The following SUFU variants were observed in gnomAD, a reference collection of about 807,000 sequenced individuals.
The protein encoded by SUFU is SUFU negative regulator of hedgehog signaling, also known as suppressor of fused homolog.
Under a neutral mutation model 58.9 loss-of-function variants are expected in SUFU, and 7 were observed. The ratio of observed to expected loss-of-function variants is 0.12; its 90% confidence interval spans 0.07 to 0.22. The LOEUF (loss-of-function observed/expected upper bound fraction) is 0.22. Among genes scored for constraint, SUFU ranks in the 10% least tolerant of loss-of-function variants. The pLI is 1.00. For synonymous variants in SUFU, 232 were observed against 254.8 expected (o/e 0.91, Z 0.85); for missense variants, 451 against 641.3 (o/e 0.70, Z 3.20).
intron 3 of SUFU, among the ~76,000 whole-genome samples, chr10:102,580,037 C>CCG (rs1554850802): frequency 7.2e-6 from 1 of 138,264 alleles, no homozygotes; most frequent in Non-Finnish European, 1.6e-5. Context: ...GCACCCCCCC[C>CCG]CCGCCCCCAG....
intron 2 of SUFU, among the ~76,000 whole-genome samples, chr10:102,522,514 C>T (rs1327531251): frequency 6.6e-6 from 1 of 152,050 alleles, no homozygotes; most frequent in Non-Finnish European, 1.5e-5. Flanking sequence ...TCCTTGTACT[C>T]GAGGGACACA....
chr10:102,569,108 C>T (rs960883800), intron 3 of SUFU, among the ~76,000 whole-genome samples: 4 of 151,112 alleles, frequency 2.6e-5, no homozygotes, highest in African/African-American at 9.7e-5. Context: ...GATTGTTGCC[C>T]ATATATGAAC....
rs1300021652 is a variant in SUFU, at chr10:102,579,309, GTCTATC to G, written c.455-13268_455-13263del. Among the ~76,000 whole-genome samples, 6 of 152,320 alleles carry G rather than the reference GTCTATC, an allele frequency of 3.9e-5. No homozygotes were observed. The East Asian group carries it at 9.6e-4, about 24-fold the overall frequency. ...GCACAGGGTGAGTGTCAGGTCCACA[GTCTATC>G]TCTAGCTAGCGAAACTGCATCAGTC... On this transcript the variant is annotated intron_variant, in intron 3 of 11. Transcript: ENST00000369902.
intron 6 of SUFU, 61 bp downstream of exon 6, chr10:102,594,126 A>G: frequency 6.5e-7 from 1 of 1,531,076 alleles, no homozygotes; most frequent in East Asian, 2.3e-5. Flanking sequence ...TCCAAATAAC[A>G]CTGGCTTTCA....
chr10:102,605,011 A>G, intron 8 of SUFU, among the ~76,000 whole-genome samples: 1 of 147,568 alleles, frequency 6.8e-6, no homozygotes, highest in East Asian at 2.0e-4. Context: ...GGCTTACTGC[A>G]ACCCCTGCCT....
At chr10:102,536,363 CTTTTT>C (rs11290425) in intron 2 of SUFU, among the ~76,000 whole-genome samples, 1 of 101,926 alleles carries the variant, frequency 9.8e-6, no homozygotes, top group African/African-American at 4.1e-5. Context: ...AATTTTATTG[CTTTTT>C]TTTTTTTTTT....
chr10:102,566,931 C>T (rs1262037191), intron 3 of SUFU, among the ~76,000 whole-genome samples: 2 of 140,748 alleles, frequency 1.4e-5, no homozygotes, highest in Admixed American at 7.3e-5. Flanking sequence ...GGTGACAGAG[C>T]GACTCCATCT....
intron 8 of SUFU, among the ~76,000 whole-genome samples, chr10:102,599,904 C>A (rs2063500915): frequency 6.6e-6 from 1 of 152,204 alleles, no homozygotes; most frequent in Non-Finnish European, 1.5e-5. Flanking sequence ...CAGAGTTGCC[C>A]TTCCTTCCTT....
intron 2 of SUFU, among the ~76,000 whole-genome samples, chr10:102,545,293 ATTT>A (rs1162195255): frequency 6.6e-5 from 7 of 106,260 alleles, no homozygotes; most frequent in South Asian, 3.1e-4. Context: ...TAATTTTTGT[ATTT>A]TTTTTTTTTT....
intron 1 of SUFU, among the ~76,000 whole-genome samples, chr10:102,505,452 G>A (rs2062313018): frequency 1.3e-5 from 2 of 152,226 alleles, no homozygotes; most frequent in Non-Finnish European, 2.9e-5. Flanking sequence ...TTGAAAGACT[G>A]TTCTGCAGCT....
intron 8 of SUFU, among the ~76,000 whole-genome samples, chr10:102,614,949 G>A (rs993065358): frequency 1.1e-4 from 16 of 151,790 alleles, no homozygotes; most frequent in African/African-American, 2.7e-4. Flanking sequence ...CCCGAGACTG[G>A]ATCTCAACTC....
intron 3 of SUFU, among the ~76,000 whole-genome samples, chr10:102,569,914 G>A (rs924514872): frequency 1.3e-5 from 2 of 152,178 alleles, no homozygotes; most frequent in African/African-American, 2.4e-5. Context: ...GTTTGAAGAC[G>A]AAAAGACTTT....
upstream of SUFU, chr10:102,503,907 C>CT (rs2062281669): frequency 2.0e-6 from 1 of 488,166 alleles, no homozygotes; most frequent in Non-Finnish European, 3.6e-6. Flanking sequence ...CCAATGGGTG[C>CT]TTGGATAGGG....
At chr10:102,511,891 C>G (rs1023233563) in intron 2 of SUFU, among the ~76,000 whole-genome samples, 1 of 152,138 alleles carries the variant, frequency 6.6e-6, no homozygotes, top group Admixed American at 6.5e-5. Flanking sequence ...TTCAAATTTT[C>G]TGTAGAGTTG....
chr10:102,608,681 A>T (rs2063588401), intron 8 of SUFU, among the ~76,000 whole-genome samples: 1 of 152,230 alleles, frequency 6.6e-6, no homozygotes, highest in South Asian at 2.1e-4. Flanking sequence ...ACCCTGGGCC[A>T]GTAGTCCCTA....
At chr10:102,562,886 G>A (rs556464338) in intron 3 of SUFU, among the ~76,000 whole-genome samples, 36 of 152,256 alleles carry the variant, frequency 2.4e-4, no homozygotes, top group African/African-American at 5.5e-4. Context: ...GTGAGACTCC[G>A]TCTCAAAAAA....
At chr10:102,520,425 G>A (rs1792496396) in intron 2 of SUFU, among the ~76,000 whole-genome samples, 1 of 151,250 alleles carries the variant, frequency 6.6e-6, no homozygotes, top group Non-Finnish European at 1.5e-5. Flanking sequence ...CTACCATGTT[G>A]GCCAGGCTGG....
chr10:102,596,723 T>C (rs1185937193), intron 6 of SUFU, among the ~76,000 whole-genome samples: 3 of 152,198 alleles, frequency 2.0e-5, no homozygotes, highest in African/African-American at 7.2e-5. Flanking sequence ...ACTGGGAGGT[T>C]CTGCCTGAAG....
intron 8 of SUFU, among the ~76,000 whole-genome samples, chr10:102,604,491 C>T (rs1030842400): frequency 2.0e-5 from 3 of 152,228 alleles, no homozygotes; most frequent in Non-Finnish European, 2.9e-5. Flanking sequence ...TGCTTGAATT[C>T]TCAGTCCAAA....
Sources: gnomAD v4.1 joint callset for allele counts (sites outside exome capture counted in the v4.1 genomes callset) on GRCh38, gnomAD v4.1.1 for gene constraint, MANE v1.5 for transcripts, NCBI Gene and HGNC (gene_info 2026-07-23, HGNC 2026-07-21) for gene names.